The following WNT7B variants were observed in gnomAD, a reference collection of about 807,000 sequenced individuals.
The protein encoded by WNT7B is protein Wnt-7b.
WNT7B carries 19 observed loss-of-function variants against 38.2 expected under a neutral mutation model. The observed-to-expected ratio is 0.50, with a 90% confidence interval of 0.35 to 0.73. The LOEUF (loss-of-function observed/expected upper bound fraction) is 0.73, where lower values mean the gene tolerates loss of function less well. Among genes scored for constraint, WNT7B ranks in the 30% least tolerant of loss-of-function variants. The pLI is 0.01. For missense variants in WNT7B, 423 were observed against 507.9 expected, an observed-to-expected ratio of 0.83 and a Z score of 1.61; for synonymous variants, 243 against 209.3, an observed-to-expected ratio of 1.16 and a Z score of -1.39.
chr22:45,964,563 A>G (rs1336495838), intron 1 of WNT7B, among the ~76,000 whole-genome samples: 2 of 151,988 alleles, frequency 1.3e-5, no homozygotes, highest in African/African-American at 2.4e-5. Context: ...TGGTGAAGTC[A>G]CCCTGGGAAG....
intron 3 of WNT7B, among the ~76,000 whole-genome samples, chr22:45,929,620 CCA>C (rs1931235573): frequency 2.6e-5 from 3 of 116,952 alleles, no homozygotes; most frequent in African/African-American, 1.0e-4. Flanking sequence ...GCCCATACAC[CCA>C]TCCTTCCATC....
chr22:45,933,140 G>C (rs1418673236), intron 2 of WNT7B, among the ~76,000 whole-genome samples: 4 of 152,176 alleles, frequency 2.6e-5, no homozygotes, highest in Admixed American at 6.5e-5. Flanking sequence ...CCAGCCTTAG[G>C]AGAAGACCTT....
intron 3 of WNT7B, chr22:45,926,099 C>T (rs2146704753): frequency 3.0e-6 from 3 of 985,462 alleles, no homozygotes; most frequent in Non-Finnish European, 3.6e-6. Flanking sequence ...ATAAAGCCTA[C>T]TGGGCCGCTG....
chr22:45,974,424 A>G (rs1932511973), intron 1 of WNT7B, among the ~76,000 whole-genome samples: 1 of 152,218 alleles, frequency 6.6e-6, no homozygotes, highest in Admixed American at 6.5e-5. Context: ...TGGCTTGCAA[A>G]GAAAGCAGGG....
rs1049188646 is a variant in WNT7B at position 45,920,718 on chromosome 22, GGATGAGGGATGA to G, written c.*2126_*2137del. The G allele has an allele frequency of 2.3e-5, 3 of 130,210 alleles. No individual in the cohort carries two copies. Among genetic ancestry groups the G allele is most frequent in the Admixed American group, 1.6e-4 (2 of 12,298 alleles). The allele number at this position is 130,210 out of a possible 1,614,324, so 8.1% of individuals were successfully genotyped here. A position where few individuals can be genotyped will look rare whatever the true frequency, so the allele number is the denominator to read the frequency against. ...GGGGTCAGGGATGGGATGGGGGATG[GGATGAGGGATGA>G]GATGAGGGATGGGATGGGATGGGGG... On this transcript the variant is annotated 3_prime_UTR_variant, in exon 4 of 4. Coordinates refer to ENST00000339464, the MANE Select transcript of WNT7B (RefSeq NM_058238.3).
chr22:45,951,803 C>T lies in WNT7B; in HGVS notation c.72-1657G>A, dbSNP rs10448598. Among the ~76,000 whole-genome samples the T allele has an allele frequency of 0.51, 77,477 of 152,090 alleles. 21,178 individuals are homozygous for T. Among genetic ancestry groups the T allele is most frequent in the African/African-American group, 0.71 (29,367 of 41,492 alleles). ...CATTCATGGCTGGGCATTTCGGCTG[C>T]TTCCACCTTTGGACTACTGTGAGTG... On this transcript the variant is annotated intron_variant, in intron 1 of 3. Coordinates refer to ENST00000339464, the MANE Select transcript of WNT7B (RefSeq NM_058238.3). The surrounding 1 kb of genome is among the most constrained non-coding windows in gnomAD (Gnocchi z 4.8).
intron 1 of WNT7B, among the ~76,000 whole-genome samples, chr22:45,963,467 G>A (rs114040641): frequency 3.2e-3 from 480 of 152,278 alleles, no homozygotes; most frequent in African/African-American, 0.011. Flanking sequence ...TGACTGAAGT[G>A]GCCCGAGGTC....
intron 2 of WNT7B, among the ~76,000 whole-genome samples, chr22:45,934,481 G>A (rs1032865121): frequency 1.3e-4 from 20 of 152,268 alleles, no homozygotes; most frequent in African/African-American, 4.1e-4. Flanking sequence ...ATGATTGTGC[G>A]GGCCCAGCCG....
rs1194290467 is a variant in WNT7B at position 45,966,297 on chromosome 22, G to A, written c.71+10387C>T. Reference sequence around the variant, plus strand: ...GCTTTGCCATCTGTCTCACCACGTGGGACTGCGCGGGCCTAAGTCTCAGCT... The same window carrying A: ...GCTTTGCCATCTGTCTCACCACGTGAGACTGCGCGGGCCTAAGTCTCAGCT... On this transcript the variant is annotated intron_variant, in intron 1 of 3. Coordinates refer to ENST00000339464, the MANE Select transcript of WNT7B (RefSeq NM_058238.3). This position sits in a 1 kb window ranked among gnomAD's most constrained non-coding sequence, Gnocchi z 4.2. Among the ~76,000 whole-genome samples, 1 of 152,196 alleles carries A rather than the reference G, an allele frequency of 6.6e-6. No individual in the cohort carries two copies. Among genetic ancestry groups the A allele is most frequent in the Admixed American group, 6.5e-5 (1 of 15,282 alleles).
chr22:45,930,982 G>A (rs1319863271), intron 3 of WNT7B, 116 bp downstream of exon 3: 4 of 1,390,062 alleles, frequency 2.9e-6, no homozygotes, highest in Non-Finnish European at 3.8e-6. Context: ...CCCACCCCCT[G>A]CACACCTACG....
At chr22:45,973,474 TCCACCTTC>T (rs1325311043) in intron 1 of WNT7B, among the ~76,000 whole-genome samples, 2 of 152,158 alleles carry the variant, frequency 1.3e-5, no homozygotes, top group African/African-American at 4.8e-5. Context: ...AGCCACTTCC[TCCACCTTC>T]ATCCCCCCTA....
chr22:45,953,486 G>A (rs1475330517), intron 1 of WNT7B, among the ~76,000 whole-genome samples: 9 of 152,198 alleles, frequency 5.9e-5, no homozygotes, highest in Non-Finnish European at 5.9e-5. Flanking sequence ...ATAGATAAAT[G>A]AGTAAATGAA....
At chr22:45,927,917 A>G (rs575123265) in intron 3 of WNT7B, among the ~76,000 whole-genome samples, 1 of 152,354 alleles carries the variant, frequency 6.6e-6, no homozygotes, top group African/African-American at 2.4e-5. Context: ...ATGGAAGAGA[A>G]GACGACTCAG....
chr22:45,944,184 C>G (rs923796460), intron 2 of WNT7B, among the ~76,000 whole-genome samples: 1 of 152,234 alleles, frequency 6.6e-6, no homozygotes, highest in Admixed American at 6.5e-5. Context: ...ATCCCCACTC[C>G]ACTCTTGTCC....
chr22:45,934,574 A>C (rs985593776), intron 2 of WNT7B, among the ~76,000 whole-genome samples: 1 of 152,108 alleles, frequency 6.6e-6, no homozygotes, highest in Non-Finnish European at 1.5e-5. Context: ...GCCCCATAGG[A>C]AGGCTGCAGA....
intron 3 of WNT7B, among the ~76,000 whole-genome samples, chr22:45,929,109 C>T (rs970386092): frequency 1.2e-4 from 18 of 152,186 alleles, no homozygotes; most frequent in Admixed American, 2.6e-4. Flanking sequence ...ACCTAAGCAG[C>T]TGCAGAGGCT....
At chr22:45,955,053 G>A (rs575863799) in intron 1 of WNT7B, among the ~76,000 whole-genome samples, 1 of 152,216 alleles carries the variant, frequency 6.6e-6, no homozygotes, top group Non-Finnish European at 1.5e-5. Context: ...GCACTGTGTC[G>A]GCTTTTCATT....
chr22:45,949,892 G>A (rs374053452), intron 2 of WNT7B, 28 bp downstream of exon 2: 34 of 1,591,560 alleles, frequency 2.1e-5, no homozygotes, highest in Non-Finnish European at 2.7e-5. Flanking sequence ...ACAATGGCTG[G>A]GCCCCTTGAG....
At position 45,920,784 on chromosome 22, in the gene WNT7B, CT is replaced by C. The variant is rs1358324579; in HGVS notation, c.*2071del. ...AGGGATGGGGGCCGCAGCCATCCCC[CT>C]CTCCGGTACCCAGTGTAGGTCACAA... is the stretch of plus-strand genomic sequence containing the variant. On this transcript the variant is annotated 3_prime_UTR_variant, in exon 4 of 4. Coordinates refer to ENST00000339464, the MANE Select transcript of WNT7B (RefSeq NM_058238.3). 2.0e-5 allele frequency: 3 copies of C among 151,752 alleles called. No homozygotes were observed. Among genetic ancestry groups the C allele is most frequent in the Non-Finnish European group, 4.4e-5 (3 of 67,934 alleles). The allele number at this position is 151,752 out of a possible 1,614,324, so 9.4% of individuals were successfully genotyped here.
Sources: allele counts gnomAD v4.1 joint callset (sites outside exome capture counted in the v4.1 genomes callset), GRCh38; gene constraint gnomAD v4.1.1; non-coding constraint Gnocchi (gnomAD v3.1); transcripts MANE v1.5; gene names NCBI Gene and HGNC (gene_info 2026-07-23, HGNC 2026-07-21).